The following SYT2 variants were observed in gnomAD, a reference collection of about 807,000 sequenced individuals.
SYT2 encodes synaptotagmin 2.
SYT2 carries 15 observed loss-of-function variants against 39.9 expected under a neutral mutation model. The observed-to-expected ratio is 0.38, with a 90% CI of 0.25 to 0.58. The LOEUF is 0.58. Ranked by LOEUF, SYT2 falls within the 20% of genes least tolerant of loss-of-function variation. The probability of loss-of-function intolerance (pLI) is 0.70; values close to 1 mark genes in which losing one functional copy is unlikely to be tolerated. For synonymous variants in SYT2, 181 were observed against 204.5 expected, an observed-to-expected ratio of 0.89 and a Z score of 0.98; for missense variants, 389 against 530.3, an observed-to-expected ratio of 0.73 and a Z score of 2.62.
intron 1 of SYT2, among the ~76,000 whole-genome samples, chr1:202,682,764 T>C (rs1432162373): frequency 6.6e-6 from 1 of 151,958 alleles, no homozygotes; most frequent in Non-Finnish European, 1.5e-5. Flanking sequence ...GGGGTGGACT[T>C]GATCCAATAG....
intron 1 of SYT2, chr1:202,639,529 C>T (rs1691842069): frequency 1.0e-6 from 1 of 985,478 alleles, no homozygotes; most frequent in Non-Finnish European, 1.2e-6. Flanking sequence ...TGCCACTCAT[C>T]TAACACATCT....
intron 1 of SYT2, among the ~76,000 whole-genome samples, chr1:202,677,047 GC>G (rs1653395044): frequency 6.6e-6 from 1 of 152,124 alleles, no homozygotes; most frequent in African/African-American, 2.4e-5. Flanking sequence ...TACAGTACCT[GC>G]TTCTCCTTCA....
In SYT2 at chr1:202,707,536, G is replaced by T. The variant is rs145192664; in HGVS notation, c.-18+2722C>A. Among the ~76,000 whole-genome samples the T allele has an allele frequency of 6.4e-3, 979 of 152,286 alleles. 2 individuals are homozygous for T. The highest frequency in any genetic ancestry group is 0.014 in the Middle Eastern group (4 of 294). On this transcript the variant is annotated intron_variant, in intron 1 of 8. Coordinates refer to ENST00000367268, the MANE Select transcript of SYT2 (RefSeq NM_177402.5). ...GCAAATCCCAAAGCCAAGTGAAGTA[G>T]TGTTTCTACTCATCTGCAGCCTTAA...
intron 1 of SYT2, among the ~76,000 whole-genome samples, chr1:202,637,373 C>T (rs1173241734): frequency 2.0e-5 from 3 of 151,810 alleles, no homozygotes; most frequent in Admixed American, 2.0e-4. Context: ...AAACCAAAAC[C>T]GAAAACCAAA....
rs1558423108 is a variant in SYT2 at position 202,601,894 on chromosome 1, T to A, written c.797A>T (p.Glu266Val). Residue 266 changes from glutamate to valine, a missense_variant, in exon 6 of 9, where the codon GAG becomes GTG. Physicochemically the swap from Glu to Val is moderately radical, Grantham distance 121 (BLOSUM62 -2). Transcript: ENST00000367268. The surrounding 1 kb of genome is among the most constrained non-coding windows in gnomAD (Gnocchi z 4.0). ...EWRDLQGGEK[E>V]EPEKLGDICT... is the part of the protein sequence containing the mutation. ...TGGCCTCATCTCTGCTCTTACCTCC[T>A]CCTTTTCCCCGCCTTGCAGGTCTCT... The A allele has an allele frequency of 1.2e-6, 2 of 1,613,778 alleles. No homozygotes were observed. Among genetic ancestry groups the A allele is most frequent in the Non-Finnish European group, 1.7e-6 (2 of 1,179,858 alleles).
At chr1:202,647,683 C>G (rs1043409181) in intron 1 of SYT2, among the ~76,000 whole-genome samples, 26 of 152,196 alleles carry the variant, frequency 1.7e-4, no homozygotes, top group African/African-American at 6.3e-4. Context: ...CCACTTCAGA[C>G]CTGTCCAAAC....
intron 1 of SYT2, among the ~76,000 whole-genome samples, chr1:202,666,152 CAAAAAA>C (rs56942389): frequency 9.7e-6 from 1 of 102,932 alleles, no homozygotes. Context: ...GACTCCGTCT[CAAAAAA>C]AAAAAAAAAA....
At chr1:202,660,171 G>C (rs1692351226) in intron 1 of SYT2, among the ~76,000 whole-genome samples, 1 of 152,168 alleles carries the variant, frequency 6.6e-6, no homozygotes, top group Non-Finnish European at 1.5e-5. Context: ...TAGCCACAAG[G>C]GGGAACATCT....
At chr1:202,656,376 G>A (rs1692277434) in intron 1 of SYT2, among the ~76,000 whole-genome samples, 1 of 152,184 alleles carries the variant, frequency 6.6e-6, no homozygotes, top group African/African-American at 2.4e-5. Flanking sequence ...TAGACTCAGA[G>A]CAGGAGTGGT....
chr1:202,709,193 C>T (rs1483644131), intron 1 of SYT2, among the ~76,000 whole-genome samples: 1 of 152,174 alleles, frequency 6.6e-6, no homozygotes, highest in African/African-American at 2.4e-5. Context: ...CTGCAGTGGC[C>T]CCTCCTGGGC....
At position 202,618,565 on chromosome 1, in the gene SYT2, C is replaced by T. The variant is rs181824286; in HGVS notation, c.-17-12776G>A. On this transcript the variant is annotated intron_variant, in intron 1 of 8. Coordinates refer to ENST00000367268, the MANE Select transcript of SYT2 (RefSeq NM_177402.5). ...ACGCACCCCCTTATGAGTCATTTCA[C>T]CTCGGGTGGTTTCTTTCACCTCTCT... 1.3e-3 allele frequency among the ~76,000 whole-genome samples: 195 copies of T among 152,298 alleles called. 4 individuals carry two copies. Among genetic ancestry groups the T allele is most frequent in the Non-Finnish European group, 2.2e-4 (15 of 68,020 alleles).
chr1:202,652,136 CAG>C (rs1282506188), intron 1 of SYT2, among the ~76,000 whole-genome samples: 3 of 152,238 alleles, frequency 2.0e-5, no homozygotes, highest in African/African-American at 7.2e-5. Flanking sequence ...GTTCCCTCTG[CAG>C]AGAGTTGGTG....
chr1:202,606,631 C>A (rs1430492008), intron 1 of SYT2, among the ~76,000 whole-genome samples: 1 of 152,194 alleles, frequency 6.6e-6, no homozygotes, highest in African/African-American at 2.4e-5. Context: ...ATCTCTAGCC[C>A]TTCCTCCCCG....
intron 1 of SYT2, among the ~76,000 whole-genome samples, chr1:202,647,714 T>C (rs1256273519): frequency 6.6e-6 from 1 of 152,334 alleles, no homozygotes; most frequent in Non-Finnish European, 1.5e-5. Flanking sequence ...CTCTCAGTTA[T>C]TCCCTTCCAG....
chr1:202,615,447 A>T (rs1013189606), intron 1 of SYT2, among the ~76,000 whole-genome samples: 1 of 152,020 alleles, frequency 6.6e-6, no homozygotes, highest in Non-Finnish European at 1.5e-5. Context: ...GGTGTCTGCA[A>T]ACTCATCAAC....
Position 202,624,205 on chromosome 1 carries a change from G to A in SYT2, c.-17-18416C>T, listed in dbSNP as rs1338322831. 2.0e-5 allele frequency among the ~76,000 whole-genome samples: 3 copies of A among 151,584 alleles called. No individual in the cohort carries two copies. The East Asian group carries it at 5.8e-4, about 29-fold the overall frequency. On this transcript the variant is annotated intron_variant, in intron 1 of 8. Transcript: ENST00000367268. ...TGGGTAGGGGTATATGTGGTGGTAT[G>A]TATGTGTAGGATGTGTGTGCTGTAT...
At chr1:202,653,636 C>T (rs1259150292) in intron 1 of SYT2, among the ~76,000 whole-genome samples, 1 of 152,214 alleles carries the variant, frequency 6.6e-6, no homozygotes, top group African/African-American at 2.4e-5. Flanking sequence ...CCACTCCCCA[C>T]AAACACTGGC....
intron 1 of SYT2, among the ~76,000 whole-genome samples, chr1:202,634,316 G>A (rs951353858): frequency 1.3e-5 from 2 of 152,114 alleles, no homozygotes; most frequent in African/African-American, 4.8e-5. Context: ...TCAGGAGTTC[G>A]AGACCAGCCT....
At chr1:202,639,739 C>T in intron 1 of SYT2, 3 of 985,458 alleles carry the variant, frequency 3.0e-6, no homozygotes, top group Non-Finnish European at 3.6e-6. Context: ...TGAGCTCTTC[C>T]TTTCTCCAGG....
Sources: gnomAD v4.1 joint callset for allele counts (sites outside exome capture counted in the v4.1 genomes callset) on GRCh38, gnomAD v4.1.1 for gene constraint, Gnocchi (gnomAD v3.1) non-coding constraint, MANE v1.5 for transcripts, NCBI Gene and HGNC (gene_info 2026-07-23, HGNC 2026-07-21) for gene names.